The following ZNF492 variants were observed in gnomAD, a reference collection of about 807,000 sequenced individuals.
ZNF492 encodes zinc finger protein 492.
Under a neutral mutation model 6.4 loss-of-function variants are expected in ZNF492, and 3 were observed. That is an observed-to-expected ratio of 0.47 (90% CI 0.21 to 1.22). ZNF492 has a LOEUF of 1.22. Ranked by LOEUF, ZNF492 falls within the 50% of genes most tolerant of loss-of-function variation. The pLI is 0.22. For missense variants in ZNF492, 356 were observed against 612.5 expected (o/e 0.58, Z 4.42); for synonymous variants, 112 against 205.3 (o/e 0.55, Z 3.89).
intron 1 of ZNF492, among the ~76,000 whole-genome samples, chr19:22,635,366 T>A (rs1971750533): frequency 6.6e-6 from 1 of 152,212 alleles, no homozygotes. Context: ...AATTTTCAGT[T>A]CCTTCTGAAA....
At chr19:22,650,511 G>A (rs1971928786) in intron 1 of ZNF492, among the ~76,000 whole-genome samples, 2 of 152,178 alleles carry the variant, frequency 1.3e-5, no homozygotes, top group South Asian at 4.1e-4. Context: ...CTCAGAACTG[G>A]CGGGGGGAAA....
intron 3 of ZNF492, among the ~76,000 whole-genome samples, chr19:22,663,421 G>T (rs1972078092): frequency 6.6e-6 from 1 of 152,170 alleles, no homozygotes; most frequent in Admixed American, 6.5e-5. Context: ...CCCTGCCATT[G>T]AGAAATAAAG....
At chr19:22,635,426 T>C (rs1490659302) in intron 1 of ZNF492, among the ~76,000 whole-genome samples, 1 of 152,358 alleles carries the variant, frequency 6.6e-6, no homozygotes, top group South Asian at 2.1e-4. Context: ...ATTTGTCCTT[T>C]AGTGTACATT....
intron 3 of ZNF492, among the ~76,000 whole-genome samples, chr19:22,662,841 G>C (rs1463201530): frequency 6.6e-6 from 1 of 151,756 alleles, no homozygotes; most frequent in African/African-American, 2.4e-5. Context: ...TTTGCCCTTT[G>C]TCAGATGGGT....
Position 22,667,425 on chromosome 19 carries a change from T to G in ZNF492, c.*2160T>G, listed in dbSNP as rs533510916. On this transcript the variant is annotated 3_prime_UTR_variant, in exon 4 of 4. Transcript: ENST00000456783. ...TGTTAGTTTTTTCAGGCATATAATA[T>G]TTATGTTATATATGGCATATTCTGA... 1 of 152,180 alleles carries G rather than the reference T, an allele frequency of 6.6e-6. No homozygotes were observed. The highest frequency in any genetic ancestry group is 1.5e-5 in the Non-Finnish European group (1 of 68,002). 9.4% of individuals were successfully genotyped at this position (152,180 alleles called of 1,614,324 possible). A position where few individuals can be genotyped will look rare whatever the true frequency, so the allele number is the denominator to read the frequency against.
At chr19:22,663,374 C>G (rs531943329) in intron 3 of ZNF492, among the ~76,000 whole-genome samples, 80 of 152,118 alleles carry the variant, frequency 5.3e-4, no homozygotes, top group African/African-American at 1.8e-3. Context: ...TCTTTCAGAA[C>G]TTTTATGCAA....
At chr19:22,653,830 A>C (rs1244123744) in intron 2 of ZNF492, 90 bp from the exon 3 acceptor site, 1 of 1,362,528 alleles carries the variant, frequency 7.3e-7, no homozygotes, top group Non-Finnish European at 9.8e-7. Context: ...AATTTACTAG[A>C]ATATTCTATT....
intron 1 of ZNF492, among the ~76,000 whole-genome samples, chr19:22,640,933 ATTTT>A (rs1971819969): frequency 6.6e-6 from 1 of 152,074 alleles, no homozygotes; most frequent in Admixed American, 6.6e-5. Flanking sequence ...ACTTCAATAT[ATTTT>A]TGTGGGGTCA....
Position 22,634,324 on chromosome 19 carries a change from GT to G in ZNF492, c.-243del. ...AGGGCGGCTTCCGGGATGTGGCGGG[GT>G]CTTTGTCTCTCGCTGCAGTCGGAGT... On this transcript the variant is annotated 5_prime_UTR_variant, in exon 1 of 4. Transcript: ENST00000456783. 2.2e-6 allele frequency: 2 copies of G among 904,892 alleles called. No homozygotes were observed. The highest frequency in any genetic ancestry group is 2.9e-5 in the South Asian group (2 of 69,978). The allele number at this position is 904,892 out of a possible 1,614,324, so 56.1% of individuals were successfully genotyped here.
At position 22,652,634 on chromosome 19, in the gene ZNF492, C is replaced by T. The variant is rs935786310; in HGVS notation, c.-93-673C>T. On this transcript the variant is annotated intron_variant, in intron 1 of 3. Transcript: ENST00000456783. Reference sequence around the variant, plus strand: ...TCGCTCTGTCACCCAGGCTGGAGTGCAGTGGCGCGATTTCAGCTCACTGCA... The same window carrying T: ...TCGCTCTGTCACCCAGGCTGGAGTGTAGTGGCGCGATTTCAGCTCACTGCA... Among the ~76,000 whole-genome samples the T allele has an allele frequency of 1.4e-4, 21 of 150,590 alleles. 1 individual carries two copies. The highest frequency in any genetic ancestry group is 1.4e-3 in the East Asian group (7 of 5,070).
At chr19:22,638,489 G>C (rs1317523530) in intron 1 of ZNF492, among the ~76,000 whole-genome samples, 1 of 151,980 alleles carries the variant, frequency 6.6e-6, no homozygotes, top group African/African-American at 2.4e-5. Context: ...CCAGATTCCT[G>C]TTGTTAGCTT....
rs58508730 is a variant in ZNF492, at chr19:22,650,158, A to G, written c.-93-3149A>G. On this transcript the variant is annotated intron_variant, in intron 1 of 3. Transcript: ENST00000456783. ...GTTCATTTCTGTTTGTTTTTCTTTC[A>G]ATGGTCAGATCCCTCTTCTGTATGG... Among the ~76,000 whole-genome samples, 17 of 151,990 alleles carry G rather than the reference A, an allele frequency of 1.1e-4. 1 individual carries two copies. In the East Asian group the frequency reaches 3.3e-3, roughly 29 times the overall value.
chr19:22,663,504 A>G (rs1366160741), intron 3 of ZNF492, among the ~76,000 whole-genome samples: 1 of 152,180 alleles, frequency 6.6e-6, no homozygotes, highest in African/African-American at 2.4e-5. Flanking sequence ...TAAAGTCACT[A>G]TGTTATATAG....
intron 1 of ZNF492, among the ~76,000 whole-genome samples, chr19:22,644,675 G>A (rs1191359367): frequency 2.0e-5 from 3 of 152,124 alleles, no homozygotes; most frequent in African/African-American, 7.2e-5. Context: ...TGTAAATAGT[G>A]CTGCAGTAAA....
At chr19:22,661,770 A>G (rs1354919970) in intron 3 of ZNF492, among the ~76,000 whole-genome samples, 1 of 151,912 alleles carries the variant, frequency 6.6e-6, no homozygotes, top group Non-Finnish European at 1.5e-5. Flanking sequence ...CTACTTTTGT[A>G]TTTTTAGTAG....
At chr19:22,656,743 G>C (rs1471764684) in intron 3 of ZNF492, among the ~76,000 whole-genome samples, 2 of 152,156 alleles carry the variant, frequency 1.3e-5, no homozygotes, top group East Asian at 1.9e-4. Flanking sequence ...AAGAACAGGG[G>C]TCCTATAGTT....
chr19:22,645,172 G>A (rs912939623), intron 1 of ZNF492, among the ~76,000 whole-genome samples: 3 of 151,670 alleles, frequency 2.0e-5, no homozygotes, highest in African/African-American at 7.3e-5. Context: ...CCAGCCTCCC[G>A]AGAACCTGGG....
chr19:22,663,533 A>AT (rs1972078974), intron 3 of ZNF492, among the ~76,000 whole-genome samples: 1 of 152,274 alleles, frequency 6.6e-6, no homozygotes, highest in Admixed American at 6.5e-5. Context: ...GAAGATCTGC[A>AT]CTGGGTAAAT....
chr19:22,641,427 T>C (rs1286191484), intron 1 of ZNF492, among the ~76,000 whole-genome samples: 4 of 152,220 alleles, frequency 2.6e-5, no homozygotes, highest in South Asian at 2.1e-4. Context: ...TTTCTTTGTA[T>C]TGAATTACAT....
Sources: gnomAD v4.1 joint callset for allele counts (sites outside exome capture counted in the v4.1 genomes callset) on GRCh38, gnomAD v4.1.1 for gene constraint, MANE v1.5 for transcripts, NCBI Gene and HGNC (gene_info 2026-07-23, HGNC 2026-07-21) for gene names.